The following SOX6 variants were observed in gnomAD, a reference collection of about 807,000 sequenced individuals.
SOX6 encodes the protein SRY-box transcription factor 6, also known as transcription factor SOX-6.
Under a neutral mutation model 97.8 loss-of-function variants are expected in SOX6, and 11 were observed. The ratio of observed to expected loss-of-function variants is 0.11; its 90% CI spans 0.07 to 0.19. SOX6 has a LOEUF of 0.19. Ranked by LOEUF, SOX6 falls within the 10% of genes least tolerant of loss-of-function variation. SOX6 has a pLI of 1.00. For missense variants in SOX6, 810 were observed against 1,039.5 expected (o/e 0.78, Z 3.04); for synonymous variants, 360 against 371.4 (o/e 0.97, Z 0.35).
intron 3 of SOX6, among the ~76,000 whole-genome samples, chr11:16,278,924 T>C (rs1380307300): frequency 1.3e-5 from 2 of 152,060 alleles, no homozygotes; most frequent in Non-Finnish European, 2.9e-5. Flanking sequence ...CTTGGATGTA[T>C]AGGTTCAAAT....
At chr11:15,991,334 A>G (rs1021932272) in intron 13 of SOX6, among the ~76,000 whole-genome samples, 1 of 152,214 alleles carries the variant, frequency 6.6e-6, no homozygotes, top group Non-Finnish European at 1.5e-5. Context: ...TGTAGCTTCC[A>G]GCTGACAATA....
chr11:15,972,941 A>G lies in SOX6; in HGVS notation c.2355T>C (p.Asp785=). The change falls in exon 16 of 16, where the codon GAT becomes GAC. Residue 785 remains aspartate (D), a synonymous_variant. Transcript: ENST00000683767. ...VIQSTYGMKT[D]GGSLAGNEMI... ...TTTCATTTCCAGCTAGGCTTCCGCC[A>G]TCTGTCTTCATACCATAAGTGCTCT... 1 of 1,614,208 alleles carries G rather than the reference A, an allele frequency of 6.2e-7. No individual in the cohort carries two copies. The highest frequency in any genetic ancestry group is 8.5e-7 in the Non-Finnish European group (1 of 1,180,030).
At chr11:16,255,593 G>A (rs530799514) in intron 3 of SOX6, among the ~76,000 whole-genome samples, 2 of 152,160 alleles carry the variant, frequency 1.3e-5, no homozygotes, top group African/African-American at 4.8e-5. Flanking sequence ...TGTGCGGGAT[G>A]CAGTGAAAGC....
chr11:16,129,025 ATT>A (rs34756324), intron 6 of SOX6, among the ~76,000 whole-genome samples: 8,222 of 119,102 alleles, frequency 0.069, 543 homozygotes, highest in East Asian at 0.35. Flanking sequence ...CATGCCTGGC[ATT>A]TTTTTTTTTT....
chr11:16,259,281 C>G (rs1168104612), intron 3 of SOX6, among the ~76,000 whole-genome samples: 1 of 151,910 alleles, frequency 6.6e-6, no homozygotes, highest in Non-Finnish European at 1.5e-5. Context: ...TAATAATTTT[C>G]TGAAATCCTA....
chr11:16,207,087 A>T (rs1335821840), intron 4 of SOX6, among the ~76,000 whole-genome samples: 1 of 152,298 alleles, frequency 6.6e-6, no homozygotes, highest in Non-Finnish European at 1.5e-5. Context: ...CTGAAAACAT[A>T]AAAATCTCCA....
chr11:16,355,753 G>A (rs1393685705), intron 1 of SOX6, among the ~76,000 whole-genome samples: 2 of 151,736 alleles, frequency 1.3e-5, no homozygotes, highest in Admixed American at 6.6e-5. Flanking sequence ...ATTCATGTAG[G>A]GAATCTATGA....
chr11:16,132,417 GAAAGAAAGAAAGAAAGAAAGAAAGAAAAA>G (rs1849815620), intron 6 of SOX6, among the ~76,000 whole-genome samples: 1 of 95,962 alleles, frequency 1.0e-5, no homozygotes, highest in African/African-American at 5.0e-5. Flanking sequence ...AAGAAAGAAA[GAAAGAAAGAAAGAAAGAAAGAAAGAAAAA>G]AGAAAGAAAG....
At chr11:16,176,046 T>G (rs1240850281) in intron 6 of SOX6, among the ~76,000 whole-genome samples, 4 of 145,592 alleles carry the variant, frequency 2.7e-5, no homozygotes, top group African/African-American at 1.0e-4. Flanking sequence ...TCAGGATGGA[T>G]GGATGGACGG....
chr11:16,242,623 A>G (rs2134187305), intron 3 of SOX6, among the ~76,000 whole-genome samples: 1 of 151,532 alleles, frequency 6.6e-6, no homozygotes, highest in East Asian at 1.9e-4. Flanking sequence ...TTAAGTGAAA[A>G]CTGAGGCTCA....
chr11:16,446,122 G>GA (rs1273252770), intron 1 of SOX6, among the ~76,000 whole-genome samples: 1 of 152,128 alleles, frequency 6.6e-6, no homozygotes, highest in East Asian at 1.9e-4. Context: ...ACCTTACCTA[G>GA]ATGATTCAAG....
chr11:16,134,901 T>G lies in SOX6; in HGVS notation c.778-22978A>C, dbSNP rs188044249. On this transcript the variant is annotated intron_variant, in intron 6 of 15. Coordinates refer to ENST00000683767, the MANE Select transcript of SOX6 (RefSeq NM_001367873.1). ...GTCACACATCTAGAACTTTCACCAC[T>G]AGAGAGAAGAAGTCAATGCCTGGCT... 4.6e-3 allele frequency among the ~76,000 whole-genome samples: 704 copies of G among 152,278 alleles called. 12 individuals carry two copies. The highest frequency in any genetic ancestry group is 0.016 in the African/African-American group (673 of 41,560).
intron 4 of SOX6, among the ~76,000 whole-genome samples, chr11:16,228,098 T>C (rs187732127): frequency 2.0e-3 from 300 of 151,674 alleles, no homozygotes; most frequent in African/African-American, 7.1e-3. Context: ...CTCAGGAGGC[T>C]AAGGCAGGAG....
At chr11:16,030,314 T>C (rs1308017206) in intron 12 of SOX6, among the ~76,000 whole-genome samples, 2 of 152,190 alleles carry the variant, frequency 1.3e-5, no homozygotes, top group African/African-American at 4.8e-5. Flanking sequence ...CACTCACACT[T>C]GTACTTTCAA....
intron 6 of SOX6, among the ~76,000 whole-genome samples, chr11:16,182,127 A>G (rs1442045354): frequency 1.3e-5 from 2 of 151,882 alleles, no homozygotes; most frequent in African/African-American, 4.8e-5. Context: ...TTTCATTAAA[A>G]TATTCTGAAC....
chr11:16,482,152 CT>C (rs1860355341), intron 4 of SOX6, among the ~76,000 whole-genome samples: 1 of 152,070 alleles, frequency 6.6e-6, no homozygotes, highest in Non-Finnish European at 1.5e-5. Context: ...TTTTAATAGC[CT>C]TTTCAAATAA....
chr11:16,187,353 A>G (rs1465891162), intron 4 of SOX6, among the ~76,000 whole-genome samples: 4 of 152,192 alleles, frequency 2.6e-5, no homozygotes, highest in Non-Finnish European at 5.9e-5. Flanking sequence ...AGTGACTAAC[A>G]GTATCTAAGA....
intron 4 of SOX6, chr11:16,577,154 T>C (rs569690845): frequency 3.1e-4 from 47 of 152,314 alleles, no homozygotes; most frequent in African/African-American, 1.1e-3. Flanking sequence ...CGGTAATTTA[T>C]TTTTACTAAT....
intron 6 of SOX6, among the ~76,000 whole-genome samples, chr11:16,138,623 A>T (rs1397662091): frequency 6.6e-6 from 1 of 151,958 alleles, no homozygotes; most frequent in African/African-American, 2.4e-5. Flanking sequence ...ATATGTATAC[A>T]TGTGCCATGT....
Sources: gnomAD v4.1 joint callset for allele counts (sites outside exome capture counted in the v4.1 genomes callset) on GRCh38, gnomAD v4.1.1 for gene constraint, MANE v1.5 for transcripts, NCBI Gene and HGNC (gene_info 2026-07-23, HGNC 2026-07-21) for gene names.